AMPH: variants seen among roughly 807,000 people sequenced by gnomAD.
The protein encoded by AMPH is amphiphysin (Stiff-Mann syndrome with breast cancer 128kD autoantigen).
In AMPH, 49 loss-of-function variants were observed where a neutral mutation model predicts 99.1. The observed-to-expected ratio is 0.49, with a 90% confidence interval of 0.39 to 0.63. AMPH has a LOEUF of 0.63. AMPH is among the 20% of genes least tolerant of loss of function. The pLI, the probability that AMPH is intolerant of heterozygous loss-of-function variation, is 0.00. For synonymous variants in AMPH, 314 were observed against 317.3 expected, an observed-to-expected ratio of 0.99 and a Z score of 0.11; for missense variants, 759 against 863.4, an observed-to-expected ratio of 0.88 and a Z score of 1.52.
At chr7:38,428,768 T>C (rs775733680) in intron 14 of AMPH, 14 of 457,498 alleles carry the variant, frequency 3.1e-5, no homozygotes, top group South Asian at 2.2e-4. Context: ...TTCCATCATG[T>C]AGACCTTGGT....
chr7:38,590,213 C>T (rs1021480077), intron 1 of AMPH, among the ~76,000 whole-genome samples: 3 of 152,240 alleles, frequency 2.0e-5, no homozygotes, highest in African/African-American at 4.8e-5. Context: ...CCGTGGAACC[C>T]AGCGACTAGT....
chr7:38,491,001 C>T lies in AMPH; in HGVS notation c.396+49G>A, dbSNP rs372276983. On this transcript the variant is annotated intron_variant, in intron 5 of 20. Coordinates refer to ENST00000356264, the MANE Select transcript of AMPH (RefSeq NM_001635.4). ...TCTTCTCTTGCCCATGTTTCAATAA[C>T]TACATGACCCCACTCAATCCTTCCC... The T allele has an allele frequency of 1.3e-4, 165 of 1,244,536 alleles. No individual in the cohort carries two copies. In the African/African-American group the frequency reaches 2.1e-3, roughly 16 times the overall value. The allele number at this position is 1,244,536 out of a possible 1,614,324, so 77.1% of individuals were successfully genotyped here.
intron 17 of AMPH, among the ~76,000 whole-genome samples, chr7:38,406,728 TTCCCTCTCTCTCTCTCTCTC>T (rs1785010175): frequency 7.4e-5 from 4 of 53,964 alleles, no homozygotes; most frequent in Admixed American, 1.8e-4. Flanking sequence ...CTCTCTCCCT[TTCCCTCTCTCTCTCTCTCTC>T]TCTCTCTCTC....
intron 14 of AMPH, chr7:38,429,612 C>A (rs1034012456): frequency 2.8e-6 from 4 of 1,438,372 alleles, no homozygotes; most frequent in African/African-American, 1.4e-5. Flanking sequence ...GGAAAAAAAA[C>A]AAAAACAAAA....
intron 12 of AMPH, among the ~76,000 whole-genome samples, chr7:38,432,982 T>G (rs1050431117): frequency 7.9e-5 from 12 of 152,196 alleles, no homozygotes; most frequent in African/African-American, 2.9e-4. Context: ...AAGACTTCTC[T>G]TTCTTATTTC....
chr7:38,449,974 T>C (rs753878159), intron 11 of AMPH, among the ~76,000 whole-genome samples: 3 of 152,178 alleles, frequency 2.0e-5, no homozygotes, highest in Non-Finnish European at 4.4e-5. Context: ...TTCAGTTCAA[T>C]TGGCTAGGGA....
At chr7:38,426,782 C>T (rs922337075) in intron 15 of AMPH, among the ~76,000 whole-genome samples, 172 bp downstream of exon 15, 1 of 152,172 alleles carries the variant, frequency 6.6e-6, no homozygotes, top group African/African-American at 2.4e-5. Flanking sequence ...AATAATCATA[C>T]AATGTTGCTA....
At chr7:38,395,266 G>A (rs1025747989) in intron 17 of AMPH, among the ~76,000 whole-genome samples, 4 of 151,952 alleles carry the variant, frequency 2.6e-5, no homozygotes, top group African/African-American at 7.3e-5. Context: ...GAAAACCCTC[G>A]AGAATGAAGG....
At chr7:38,599,481 T>C (rs573957396) in intron 1 of AMPH, among the ~76,000 whole-genome samples, 7 of 152,370 alleles carry the variant, frequency 4.6e-5, no homozygotes, top group Non-Finnish European at 7.3e-5. Flanking sequence ...GAATGCAGCA[T>C]ATAATACACA....
rs1784303032 is a variant in AMPH at position 38,384,700 on chromosome 7, G to T, written c.*118C>A. 7.3e-6 allele frequency: 6 copies of T among 826,478 alleles called. No individual in the cohort carries two copies. The highest frequency in any genetic ancestry group is 4.0e-5 in the South Asian group (2 of 50,536). The allele number at this position is 826,478 out of a possible 1,614,324, so 51.2% of individuals were successfully genotyped here. On this transcript the variant is annotated 3_prime_UTR_variant, in exon 21 of 21. Coordinates refer to ENST00000356264, the MANE Select transcript of AMPH (RefSeq NM_001635.4). ...TGCTCCATTGATACATCTTCCCAAG[G>T]TTTGTCTGGCATCAGTCTGTAAATC...
intron 17 of AMPH, among the ~76,000 whole-genome samples, chr7:38,397,252 G>A (rs1784696846): frequency 6.6e-6 from 1 of 152,186 alleles, no homozygotes; most frequent in Admixed American, 6.5e-5. Context: ...TTTAGTCTCA[G>A]TTGAATTGAT....
intron 17 of AMPH, among the ~76,000 whole-genome samples, chr7:38,398,074 C>T (rs1384565604): frequency 1.5e-5 from 2 of 135,806 alleles, no homozygotes; most frequent in African/African-American, 5.6e-5. Flanking sequence ...TAAATTAATG[C>T]AACTATTATG....
At chr7:38,410,638 A>G (rs1785186684) in intron 17 of AMPH, among the ~76,000 whole-genome samples, 1 of 152,248 alleles carries the variant, frequency 6.6e-6, no homozygotes, top group African/African-American at 2.4e-5. Flanking sequence ...GGGAGCAGGA[A>G]GAGGTTATCA....
chr7:38,448,847 A>G (rs1348872060), intron 11 of AMPH, among the ~76,000 whole-genome samples: 1 of 152,224 alleles, frequency 6.6e-6, no homozygotes, highest in African/African-American at 2.4e-5. Context: ...ACAATAAACT[A>G]GACCTTCTAG....
intron 2 of AMPH, among the ~76,000 whole-genome samples, chr7:38,520,026 T>C (rs773745729): frequency 3.3e-5 from 5 of 152,046 alleles, no homozygotes; most frequent in African/African-American, 1.2e-4. Context: ...ATCAAAAAAA[T>C]AAAAAATCAT....
chr7:38,422,444 C>A lies in AMPH; in HGVS notation c.1249G>T (p.Asp417Tyr). The change falls in exon 16 of 21, where the codon GAC becomes TAC. Residue 417 changes from aspartate (D) to tyrosine (Y), a missense_variant. Transcript: ENST00000356264. ...QDTSLFTMQT[D>Y]QSMICNLAES... ...ACCAAGTTGCAGATCATACTCTGGT[C>A]TGTCTGCATTGTGAATAATGAAGTA... 1 of 1,613,618 alleles carries A rather than the reference C, an allele frequency of 6.2e-7. No individual in the cohort carries two copies. Among genetic ancestry groups the A allele is most frequent in the South Asian group, 1.1e-5 (1 of 91,000 alleles).
intron 14 of AMPH, chr7:38,428,431 T>A: frequency 2.2e-6 from 1 of 456,724 alleles, no homozygotes; most frequent in Non-Finnish European, 4.4e-6. Context: ...TTAAGGTCAG[T>A]CCTAGACTGA....
chr7:38,411,871 A>G (rs1158444703), intron 17 of AMPH, among the ~76,000 whole-genome samples: 1 of 152,218 alleles, frequency 6.6e-6, no homozygotes, highest in Non-Finnish European at 1.5e-5. Context: ...TATTCAGAAG[A>G]CAGAATAAGA....
intron 1 of AMPH, among the ~76,000 whole-genome samples, chr7:38,576,639 T>C (rs1004943730): frequency 1.8e-4 from 27 of 152,174 alleles, no homozygotes; most frequent in African/African-American, 6.0e-4. Flanking sequence ...GGCAAAAGAA[T>C]AGGGCATGGG....
Sources: gnomAD v4.1 joint callset for allele counts (sites outside exome capture counted in the v4.1 genomes callset) on GRCh38, gnomAD v4.1.1 for gene constraint, MANE v1.5 for transcripts, NCBI Gene and HGNC (gene_info 2026-07-23, HGNC 2026-07-21) for gene names.